The following SPRTN variants were observed in gnomAD, a reference collection of about 807,000 sequenced individuals.
The protein encoded by SPRTN is DNA-dependent metalloprotease SPRTN.
SPRTN carries 11 observed loss-of-function variants against 31.9 expected under a neutral mutation model. The observed-to-expected ratio is 0.34, with a 90% CI of 0.22 to 0.57. The LOEUF is 0.57. SPRTN is among the 20% of genes least tolerant of loss of function. The pLI is 0.86. For synonymous variants in SPRTN, 185 were observed against 212.1 expected, an observed-to-expected ratio of 0.87 and a Z score of 1.11; for missense variants, 482 against 590.1, an observed-to-expected ratio of 0.82 and a Z score of 1.90.
intron 4 of SPRTN, chr1:231,352,301 C>T: frequency 9.4e-7 from 1 of 1,059,088 alleles, no homozygotes; most frequent in Non-Finnish European, 1.1e-6. Context: ...GATTTTCCCT[C>T]CTGGAATTAC....
In SPRTN at chr1:231,338,621, G is replaced by T. The variant is rs765942158; in HGVS notation, c.221+17G>T. The T allele has an allele frequency of 6.2e-7, 1 of 1,613,318 alleles. No individual in the cohort carries two copies. The highest frequency in any genetic ancestry group is 2.2e-5 in the East Asian group (1 of 44,866). On this transcript the variant is annotated intron_variant, in intron 1 of 4. Transcript: ENST00000295050. ...AATGACCCTGTGAGTTCCGAGCCCC[G>T]CTGGGGAAAGAGGCGGGACTGGCAG...
chr1:231,352,872 T>C lies in SPRTN; in HGVS notation c.981T>C (p.Val327=), dbSNP rs1687282277. The part of the protein sequence containing the change: ...SPAVSNSHQN[V]LSNYFPRVSF... ...CTGTTAGTAACAGTCACCAAAATGTTCTAAGCAACTACTTTCCTAGAGTAT... is the reference window on the plus strand; with the variant it reads ...CTGTTAGTAACAGTCACCAAAATGTCCTAAGCAACTACTTTCCTAGAGTAT... Residue 327 remains valine (V), a synonymous_variant, in exon 5 of 5, where the codon GTT becomes GTC. Coordinates refer to ENST00000295050, the MANE Select transcript of SPRTN (RefSeq NM_032018.7). 1 of 1,614,100 alleles carries C rather than the reference T, an allele frequency of 6.2e-7. No homozygotes were observed. Among genetic ancestry groups the C allele is most frequent in the East Asian group, 2.2e-5 (1 of 44,874 alleles).
At chr1:231,346,183 CTTTTTTT>C (rs71583771) in intron 2 of SPRTN, among the ~76,000 whole-genome samples, 3 of 89,064 alleles carry the variant, frequency 3.4e-5, no homozygotes, top group African/African-American at 4.7e-5. Flanking sequence ...CTTTTCTTTT[CTTTTTTT>C]TTTTTTTTTT....
intron 2 of SPRTN, 64 bp downstream of exon 2, chr1:231,339,932 C>A: frequency 6.7e-7 from 1 of 1,490,236 alleles, no homozygotes; most frequent in Non-Finnish European, 9.4e-7. Context: ...ATGATTTAGA[C>A]TGCTGTGAAT....
Position 231,354,891 on chromosome 1 carries a change from G to A in SPRTN, c.*1530G>A. The stretch of plus-strand genomic sequence containing the variant: ...GCCAGTTTACACTCCTACCAGCAAT[G>A]TATGAGAGTTTTAGTTGTTCACCAT... On this transcript the variant is annotated 3_prime_UTR_variant, in exon 5 of 5. Transcript: ENST00000295050. The A allele has an allele frequency of 2.1e-6, 1 of 482,552 alleles. No homozygotes were observed. The highest frequency in any genetic ancestry group is 2.7e-6 in the Non-Finnish European group (1 of 370,956). 29.9% of individuals were successfully genotyped at this position (482,552 alleles called of 1,614,324 possible).
intron 1 of SPRTN, 70 bp from the exon 2 acceptor site, chr1:231,339,699 G>A: frequency 6.6e-7 from 1 of 1,506,070 alleles, no homozygotes; most frequent in South Asian, 1.1e-5. Flanking sequence ...AGTGTGAACT[G>A]CCCAAGAATG....
At chr1:231,340,254 C>A (rs906180389) in intron 2 of SPRTN, among the ~76,000 whole-genome samples, 1 of 151,892 alleles carries the variant, frequency 6.6e-6, no homozygotes, top group Non-Finnish European at 1.5e-5. Flanking sequence ...GTAGTCCCAG[C>A]TACTCGGGAG....
At chr1:231,339,575 C>T (rs746036435) in intron 1 of SPRTN, 194 bp from the exon 2 acceptor site, 12 of 748,394 alleles carry the variant, frequency 1.6e-5, no homozygotes, top group Middle Eastern at 2.4e-4. Context: ...CGGCGGGGAT[C>T]GGAGCCATCG....
At position 231,353,836 on chromosome 1, in the gene SPRTN, G is replaced by C. The variant is rs1327991181; in HGVS notation, c.*475G>C. The C allele has an allele frequency of 5.0e-5, 48 of 958,640 alleles. No homozygotes were observed. Among genetic ancestry groups the C allele is most frequent in the Non-Finnish European group, 6.0e-5 (48 of 805,564 alleles). 59.4% of individuals were successfully genotyped at this position (958,640 alleles called of 1,614,324 possible). On this transcript the variant is annotated 3_prime_UTR_variant, in exon 5 of 5. Coordinates refer to ENST00000295050, the MANE Select transcript of SPRTN (RefSeq NM_032018.7). Reference sequence around the variant, plus strand: ...CTAGACTACAAAGTATATTGTTTTAGAGTACTCAAATTGTATTATTTATTA... The same window carrying C: ...CTAGACTACAAAGTATATTGTTTTACAGTACTCAAATTGTATTATTTATTA...
Position 231,339,779 on chromosome 1 carries a change from A to T in SPRTN, c.232A>T (p.Ile78Leu), listed in dbSNP as rs1217235189. ...GTGATTGTTTTCTAGGTGTGCTGGG[A>T]TATGCAGCTATGAAGGGAAGGGTGG... The part of the protein sequence containing the change: ...WSVRMTLCAG[I>L]CSYEGKGGMC... Residue 78 changes from isoleucine to leucine, a missense_variant, in exon 2 of 5, where the codon ATA becomes TTA. By Grantham distance (5) the Ile-to-Leu change is conservative (BLOSUM62 2). Transcript: ENST00000295050. 1 of 1,614,150 alleles carries T rather than the reference A, an allele frequency of 6.2e-7. No homozygotes were observed. Among genetic ancestry groups the T allele is most frequent in the Non-Finnish European group, 8.5e-7 (1 of 1,180,024 alleles).
Position 231,338,316 on chromosome 1 carries a change from C to A in SPRTN, c.-68C>A. On this transcript the variant is annotated 5_prime_UTR_variant, in exon 1 of 5. Transcript: ENST00000295050. Reference sequence around the variant, plus strand: ...CTAGTCCTGGTCCTCGGCTAGGCGGCTTGGGGTCGCGGCGTAACTGGGGAG... The same window carrying A: ...CTAGTCCTGGTCCTCGGCTAGGCGGATTGGGGTCGCGGCGTAACTGGGGAG... 2 of 1,569,092 alleles carry A rather than the reference C, an allele frequency of 1.3e-6. No individual in the cohort carries two copies. Among genetic ancestry groups the A allele is most frequent in the Non-Finnish European group, 1.7e-6 (2 of 1,149,250 alleles).
Position 231,347,706 on chromosome 1 carries a change from A to G in SPRTN, c.322-91A>G, listed in dbSNP as rs190272738. 10 of 1,430,596 alleles carry G rather than the reference A, an allele frequency of 7.0e-6. No individual in the cohort carries two copies. The Admixed American group carries it at 9.5e-5, about 14-fold the overall frequency. 88.6% of individuals were successfully genotyped at this position (1,430,596 alleles called of 1,614,324 possible). A position where few individuals can be genotyped will look rare whatever the true frequency, so the allele number is the denominator to read the frequency against. ...GTTCTGAAGGAAGCCTGTGATACAG[A>G]AAAGGTTAGACACCAGATAGAATAA... On this transcript the variant is annotated intron_variant, in intron 2 of 4. Transcript: ENST00000295050.
Position 231,353,837 on chromosome 1 carries a change from A to C in SPRTN, c.*476A>C, listed in dbSNP as rs991387572. ...TAGACTACAAAGTATATTGTTTTAG[A>C]GTACTCAAATTGTATTATTTATTAA... On this transcript the variant is annotated 3_prime_UTR_variant, in exon 5 of 5. Coordinates refer to ENST00000295050, the MANE Select transcript of SPRTN (RefSeq NM_032018.7). 8 of 958,182 alleles carry C rather than the reference A, an allele frequency of 8.3e-6. No homozygotes were observed. The African/African-American group carries it at 1.4e-4, about 17-fold the overall frequency. The allele number at this position is 958,182 out of a possible 1,614,324, so 59.4% of individuals were successfully genotyped here. A position where few individuals can be genotyped will look rare whatever the true frequency, so the allele number is the denominator to read the frequency against.
Position 231,347,920 on chromosome 1 carries a change from A to C in SPRTN, c.445A>C (p.Ile149Leu). Residue 149 changes from isoleucine (I) to leucine (L), a missense_variant, in exon 3 of 5, where the codon ATA (isoleucine) becomes CTA (leucine). Around this residue, in one of 2 missense-constraint regions of SPRTN, gnomAD observed 157 missense variants for 239.9 expected, o/e 0.65. Coordinates refer to ENST00000295050, the MANE Select transcript of SPRTN (RefSeq NM_032018.7). ...CATCAACAGCCTGACTGGAGCCAAT[A>C]TAACGGTATAGAAAGCCATATCTAT... is the stretch of plus-strand genomic sequence containing the variant. ...HRINSLTGANITVYHTFHDEV... is the reference protein window; with the variant it reads ...HRINSLTGANLTVYHTFHDEV... 1.9e-6 allele frequency: 3 copies of C among 1,610,900 alleles called. No individual in the cohort carries two copies. Among genetic ancestry groups the C allele is most frequent in the Non-Finnish European group, 2.5e-6 (3 of 1,179,316 alleles).
chr1:231,343,146 G>T (rs1288070612), intron 2 of SPRTN, among the ~76,000 whole-genome samples: 1 of 152,042 alleles, frequency 6.6e-6, no homozygotes, highest in African/African-American at 2.4e-5. Context: ...TCCTGTGCAG[G>T]TTCGTTGCCT....
chr1:231,341,086 G>C (rs531230243), intron 2 of SPRTN, among the ~76,000 whole-genome samples: 1 of 151,840 alleles, frequency 6.6e-6, no homozygotes, highest in Non-Finnish European at 1.5e-5. Flanking sequence ...AAAGAACAGA[G>C]CTCAGATGAT....
intron 2 of SPRTN, among the ~76,000 whole-genome samples, chr1:231,345,595 T>C (rs1558364325): frequency 1.3e-5 from 2 of 152,272 alleles, no homozygotes; most frequent in Non-Finnish European, 2.9e-5. Flanking sequence ...GAATACACCT[T>C]GTGCATATGA....
chr1:231,338,632 A>G, intron 1 of SPRTN, 28 bp downstream of exon 1: 1 of 1,611,824 alleles, frequency 6.2e-7, no homozygotes. Context: ...CTGGGGAAAG[A>G]GGCGGGACTG....
chr1:231,348,245 C>G (rs1687121511), intron 3 of SPRTN, among the ~76,000 whole-genome samples: 1 of 152,190 alleles, frequency 6.6e-6, no homozygotes, highest in South Asian at 2.1e-4. Context: ...TTAGTCCATC[C>G]TGTATCCTGC....
Sources: gnomAD v4.1 joint callset for allele counts (sites outside exome capture counted in the v4.1 genomes callset) on GRCh38, gnomAD v4.1.1 for gene constraint, gnomAD v4.1.1 regional missense constraint, MANE v1.5 for transcripts, NCBI Gene and HGNC (gene_info 2026-07-23, HGNC 2026-07-21) for gene names.